ZNF704: variants seen among roughly 807,000 people sequenced by gnomAD.
ZNF704 encodes the protein glucocorticoid induced gene 1.
ZNF704 carries 10 observed loss-of-function variants against 44.7 expected under a neutral mutation model. That is an observed-to-expected ratio of 0.22 (90% CI 0.14 to 0.38). The LOEUF (loss-of-function observed/expected upper bound fraction) is 0.38, where lower values mean the gene tolerates loss of function less well. Ranked by LOEUF, ZNF704 falls within the 10% of genes least tolerant of loss-of-function variation. ZNF704 has a pLI of 1.00. For missense variants in ZNF704, 390 were observed against 545.5 expected (o/e 0.71, Z 2.84); for synonymous variants, 211 against 207.6 (o/e 1.02, Z -0.14).
intron 2 of ZNF704, among the ~76,000 whole-genome samples, chr8:80,769,460 C>CGTGGCTGGGG: frequency 6.6e-6 from 1 of 152,066 alleles, no homozygotes; most frequent in Non-Finnish European, 1.5e-5. Flanking sequence ...TACAGTTCCA[C>CGTGGCTGGGG]ATGTTCTTGA....
rs1252109267 is a variant in ZNF704 at position 80,636,957 on chromosome 8, A to C, written c.*4409T>G. On this transcript the variant is annotated 3_prime_UTR_variant, in exon 9 of 9. Coordinates refer to ENST00000327835, the MANE Select transcript of ZNF704 (RefSeq NM_001033723.3). Reference sequence around the variant, plus strand: ...GCTGATAGCTAATAAACAGTCATCCATTGGGTAATGATAAAAAGGACCAGC... The same window carrying C: ...GCTGATAGCTAATAAACAGTCATCCCTTGGGTAATGATAAAAAGGACCAGC... The C allele has an allele frequency of 6.6e-6, 1 of 152,206 alleles. No individual in the cohort carries two copies. Among genetic ancestry groups the C allele is most frequent in the Admixed American group, 6.5e-5 (1 of 15,282 alleles). The allele number at this position is 152,206 out of a possible 1,614,324, so 9.4% of individuals were successfully genotyped here.
At chr8:80,735,853 A>G (rs1806656714) in intron 2 of ZNF704, among the ~76,000 whole-genome samples, 1 of 152,220 alleles carries the variant, frequency 6.6e-6, no homozygotes, top group Non-Finnish European at 1.5e-5. Context: ...TTCTTAGAAA[A>G]TTACCTTCAG....
At chr8:80,701,199 C>G (rs753622572) in intron 2 of ZNF704, among the ~76,000 whole-genome samples, 1 of 152,034 alleles carries the variant, frequency 6.6e-6, no homozygotes, top group Admixed American at 6.5e-5. Context: ...TGATGGGAAA[C>G]AGCGAATGAC....
chr8:80,676,057 A>G (rs1818360869), intron 4 of ZNF704, among the ~76,000 whole-genome samples: 1 of 152,192 alleles, frequency 6.6e-6, no homozygotes. Flanking sequence ...AGGAAGGAAG[A>G]TGTGACCAAC....
chr8:80,868,594 T>C (rs1424892234), intron 1 of ZNF704, among the ~76,000 whole-genome samples: 1 of 152,274 alleles, frequency 6.6e-6, no homozygotes, highest in African/African-American at 2.4e-5. Context: ...ATGGGAGCTA[T>C]ACTGATTCCC....
intron 2 of ZNF704, among the ~76,000 whole-genome samples, chr8:80,813,715 A>G (rs532706825): frequency 1.4e-4 from 22 of 152,084 alleles, no homozygotes; most frequent in Non-Finnish European, 2.8e-4. Context: ...CGTCTCTACT[A>G]AAAATACAAA....
chr8:80,632,226 T>A lies in ZNF704; in HGVS notation c.*9140A>T, dbSNP rs1817598721. The A allele has an allele frequency of 6.6e-6, 1 of 152,232 alleles. No homozygotes were observed. The highest frequency in any genetic ancestry group is 2.1e-4 in the South Asian group (1 of 4,826). 9.4% of individuals were successfully genotyped at this position (152,232 alleles called of 1,614,324 possible). A position where few individuals can be genotyped will look rare whatever the true frequency, so the allele number is the denominator to read the frequency against. On this transcript the variant is annotated 3_prime_UTR_variant, in exon 9 of 9. Transcript: ENST00000327835. ...TCTCACCCCAGGTGCAGCAGTGAAA[T>A]CTTGGCTCACTGCAACCTCTGCCTG...
chr8:80,725,855 A>G (rs1045223628), intron 2 of ZNF704, among the ~76,000 whole-genome samples: 3 of 152,234 alleles, frequency 2.0e-5, no homozygotes, highest in Non-Finnish European at 2.9e-5. Context: ...AAATATATAC[A>G]TTTAAGCAGG....
At chr8:80,785,459 G>C (rs1170528116) in intron 2 of ZNF704, among the ~76,000 whole-genome samples, 1 of 152,152 alleles carries the variant, frequency 6.6e-6, no homozygotes, top group Non-Finnish European at 1.5e-5. Flanking sequence ...CTTGAGGTGG[G>C]AGTATCGACA....
At chr8:80,877,226 G>C (rs1809367682), upstream of ZNF704, among the ~76,000 whole-genome samples, 1 of 149,004 alleles carries the variant, frequency 6.7e-6, no homozygotes, top group Non-Finnish European at 1.5e-5. Flanking sequence ...CCTGGCCTTG[G>C]CTTTCAAACC....
intron 1 of ZNF704, among the ~76,000 whole-genome samples, chr8:80,869,351 A>G (rs1466114423): frequency 6.6e-6 from 1 of 152,126 alleles, no homozygotes; most frequent in Middle Eastern, 3.2e-3. Flanking sequence ...TCCCTAGTAC[A>G]TTTGCTCTCA....
chr8:80,664,272 ATTTTT>A (rs146856594), intron 6 of ZNF704, among the ~76,000 whole-genome samples: 1 of 126,690 alleles, frequency 7.9e-6, no homozygotes, highest in Non-Finnish European at 1.7e-5. Context: ...AACATTAGGG[ATTTTT>A]TTTTTTTTTT....
chr8:80,810,288 TTATCA>T (rs1334107575), intron 2 of ZNF704, among the ~76,000 whole-genome samples: 1 of 152,186 alleles, frequency 6.6e-6, no homozygotes, highest in Non-Finnish European at 1.5e-5. Context: ...GCTTTATCCC[TTATCA>T]TTTCTCCACC....
At chr8:80,645,258 T>C in intron 7 of ZNF704, 2 of 1,286,040 alleles carry the variant, frequency 1.6e-6, no homozygotes, top group South Asian at 2.8e-5. Context: ...TATTGCCATA[T>C]GTAGGAGGAT....
chr8:80,794,179 T>A (rs1015195994), intron 2 of ZNF704, among the ~76,000 whole-genome samples: 2 of 152,108 alleles, frequency 1.3e-5, no homozygotes, highest in Non-Finnish European at 2.9e-5. Context: ...TATATAACCA[T>A]AGAGGAAGAG....
chr8:80,678,025 T>C (rs1320470093), intron 4 of ZNF704, among the ~76,000 whole-genome samples: 1 of 152,220 alleles, frequency 6.6e-6, no homozygotes, highest in Non-Finnish European at 1.5e-5. Flanking sequence ...TTCTCTTCAC[T>C]TTATATCGTA....
At chr8:80,834,720 TC>T (rs1303748794) in intron 1 of ZNF704, among the ~76,000 whole-genome samples, 1 of 152,126 alleles carries the variant, frequency 6.6e-6, no homozygotes, top group Non-Finnish European at 1.5e-5. Context: ...TGTGTGATGT[TC>T]CCCTCCCTGT....
chr8:80,717,319 T>C (rs544162576), intron 2 of ZNF704, among the ~76,000 whole-genome samples: 1 of 152,336 alleles, frequency 6.6e-6, no homozygotes, highest in South Asian at 2.1e-4. Flanking sequence ...TGGTTCCTAC[T>C]ATGTGCAAGT....
chr8:80,835,825 A>G (rs1384238247), intron 1 of ZNF704, among the ~76,000 whole-genome samples: 1 of 152,170 alleles, frequency 6.6e-6, no homozygotes, highest in Admixed American at 6.5e-5. Flanking sequence ...TAGATATTTT[A>G]TTTGTTTTAT....
Sources: gnomAD v4.1 joint callset for allele counts (sites outside exome capture counted in the v4.1 genomes callset) on GRCh38, gnomAD v4.1.1 for gene constraint, MANE v1.5 for transcripts, NCBI Gene and HGNC (gene_info 2026-07-23, HGNC 2026-07-21) for gene names.